Variants in STARD4 observed in about 807,000 individuals in gnomAD.
The protein encoded by STARD4 is StAR related lipid transfer domain containing 4.
STARD4 carries 33 observed loss-of-function variants against 24.9 expected under a neutral mutation model. That is an observed-to-expected ratio of 1.32 (90% CI 1.00 to 1.77). The LOEUF is 1.77. STARD4 is among the 40% of genes most tolerant of loss of function. STARD4 has a pLI of 0.00. For missense variants in STARD4, 238 were observed against 249.3 expected, an observed-to-expected ratio of 0.95 and a Z score of 0.31; for synonymous variants, 88 against 77.4, an observed-to-expected ratio of 1.14 and a Z score of -0.72.
chr5:111,511,742 AC>A (rs1319415264), intron 1 of STARD4, among the ~76,000 whole-genome samples: 2 of 152,144 alleles, frequency 1.3e-5, no homozygotes, highest in African/African-American at 2.4e-5. Context: ...CATATAAAAA[AC>A]CTGGGCCCAC....
In STARD4 at chr5:111,499,969, C is replaced by T. The variant is rs2112538386; in HGVS notation, c.535G>A (p.Gly179Arg). ...TCTACCGCAGACTGAGGAATCATCCCACGCAGATCTGTCTGAATATATCCT... is the reference window on the plus strand; with the variant it reads ...TCTACCGCAGACTGAGGAATCATCCTACGCAGATCTGTCTGAATATATCCT... ...LTGYIQTDLR[G>R]MIPQSAVDTA... The change falls in exon 6 of 6, where the codon GGG (glycine) becomes AGG (arginine). Residue 179 changes from glycine (G) to arginine (R), a missense_variant. Coordinates refer to ENST00000296632, the MANE Select transcript of STARD4 (RefSeq NM_139164.3). The T allele has an allele frequency of 1.9e-6, 3 of 1,614,154 alleles. No homozygotes were observed. Among genetic ancestry groups the T allele is most frequent in the East Asian group, 2.2e-5 (1 of 44,876 alleles).
intron 3 of STARD4, among the ~76,000 whole-genome samples, chr5:111,505,459 A>G (rs1337307062): frequency 1.3e-5 from 2 of 152,152 alleles, no homozygotes; most frequent in Admixed American, 1.3e-4. Flanking sequence ...TGAACATTCT[A>G]CTCCAAGTAT....
At position 111,497,984 on chromosome 5, in the gene STARD4, C is replaced by T. The variant is rs1756190519; in HGVS notation, c.*1902G>A. On this transcript the variant is annotated 3_prime_UTR_variant, in exon 6 of 6. Coordinates refer to ENST00000296632, the MANE Select transcript of STARD4 (RefSeq NM_139164.3). ...TTGGAATGATGGAAACGTTCTAAAT[C>T]CAGATTGTGCTGATGGCTGCATAGT... The T allele has an allele frequency of 6.6e-6, 1 of 152,016 alleles. No individual in the cohort carries two copies. The highest frequency in any genetic ancestry group is 1.5e-5 in the Non-Finnish European group (1 of 67,940). 9.4% of individuals were successfully genotyped at this position (152,016 alleles called of 1,614,324 possible).
chr5:111,502,452 G>A (rs1756529913), intron 3 of STARD4, among the ~76,000 whole-genome samples: 1 of 149,140 alleles, frequency 6.7e-6, no homozygotes, highest in South Asian at 2.2e-4. Context: ...CTAGGTGACG[G>A]AGTGAGATTC....
chr5:111,507,474 A>G lies in STARD4; in HGVS notation c.-9-32T>C. The G allele has an allele frequency of 1.3e-6, 2 of 1,569,936 alleles. No homozygotes were observed. Among genetic ancestry groups the G allele is most frequent in the Non-Finnish European group, 1.7e-6 (2 of 1,146,508 alleles). On this transcript the variant is annotated intron_variant, in intron 1 of 5. Transcript: ENST00000296632. The surrounding 1 kb of genome is among the most constrained non-coding windows in gnomAD (Gnocchi z 4.4). ...TGGAGACCAAGATTAGCATCAGCAA[A>G]TACCACAGTTTGAGGCAATAGGCCA... is the stretch of plus-strand genomic sequence containing the variant.
intron 4 of STARD4, 47 bp downstream of exon 4, chr5:111,501,915 C>A: frequency 6.2e-7 from 1 of 1,609,046 alleles, no homozygotes; most frequent in East Asian, 2.2e-5. Flanking sequence ...TCATGCCCTC[C>A]CTCATGCACA....
In STARD4 at chr5:111,497,513, A is replaced by G. The variant is rs1230498537; in HGVS notation, c.*2373T>C. 1 of 152,126 alleles carries G rather than the reference A, an allele frequency of 6.6e-6. No individual in the cohort carries two copies. The highest frequency in any genetic ancestry group is 1.5e-5 in the Non-Finnish European group (1 of 67,950). The allele number at this position is 152,126 out of a possible 1,614,324, so 9.4% of individuals were successfully genotyped here. On this transcript the variant is annotated 3_prime_UTR_variant, in exon 6 of 6. Transcript: ENST00000296632. ...TAAAATGCATACCAGATTTCAAAAAATTAGTACAAGAAATAGTACAAACTA... is the reference window on the plus strand; with the variant it reads ...TAAAATGCATACCAGATTTCAAAAAGTTAGTACAAGAAATAGTACAAACTA...
At chr5:111,503,781 T>TAAA (rs1480292258) in intron 3 of STARD4, among the ~76,000 whole-genome samples, 1 of 152,012 alleles carries the variant, frequency 6.6e-6, no homozygotes, top group Non-Finnish European at 1.5e-5. Context: ...CAATTAAAAT[T>TAAA]AAAAACATGC....
chr5:111,506,464 T>A lies in STARD4; in HGVS notation c.106-85A>T, dbSNP rs1233605913. 7.3e-6 allele frequency: 4 copies of A among 550,908 alleles called. No homozygotes were observed. The Admixed American group carries it at 1.6e-4, about 23-fold the overall frequency. 34.1% of individuals were successfully genotyped at this position (550,908 alleles called of 1,614,324 possible). ...CTGATAATTTTATAAGTCTATAGAA[T>A]TTGTCTTTGCATTAAAATAAAACCA... On this transcript the variant is annotated intron_variant, in intron 2 of 5. Coordinates refer to ENST00000296632, the MANE Select transcript of STARD4 (RefSeq NM_139164.3).
intron 1 of STARD4, 154 bp downstream of exon 1, chr5:111,512,231 C>T (rs1757365609): frequency 6.6e-6 from 1 of 152,600 alleles, no homozygotes; most frequent in African/African-American, 2.4e-5. Context: ...CGCCCGGACG[C>T]CGGGGCCCGC....
chr5:111,506,329 C>T lies in STARD4; in HGVS notation c.155+1G>A. The T allele has an allele frequency of 1.4e-6, 2 of 1,472,972 alleles. No individual in the cohort carries two copies. Among genetic ancestry groups the T allele is most frequent in the Non-Finnish European group, 1.9e-6 (2 of 1,074,032 alleles). The allele number at this position is 1,472,972 out of a possible 1,614,324, so 91.2% of individuals were successfully genotyped here. A position where few individuals can be genotyped will look rare whatever the true frequency, so the allele number is the denominator to read the frequency against. On this transcript the variant is annotated splice_donor_variant, in intron 3 of 5. Transcript: ENST00000296632. LOFTEE classifies it high-confidence loss of function. ...GTGTAAGTCTATAAAAAGTTACTTA[C>T]AGATATCCATTAAATTCTTCTGAGG...
intron 3 of STARD4, among the ~76,000 whole-genome samples, chr5:111,503,181 T>C (rs1561537272): frequency 6.6e-6 from 1 of 152,148 alleles, no homozygotes; most frequent in Non-Finnish European, 1.5e-5. Flanking sequence ...TTGACATATT[T>C]CAAAGGCAGC....
rs1288314668 is a variant in STARD4, at chr5:111,499,578, G to A, written c.*308C>T. On this transcript the variant is annotated 3_prime_UTR_variant, in exon 6 of 6. Coordinates refer to ENST00000296632, the MANE Select transcript of STARD4 (RefSeq NM_139164.3). ...GTGCACCTGTATTCCCAGCTATTCA[G>A]GAGGCTGAGGTAGAATAACCCCTTG... is the stretch of plus-strand genomic sequence containing the variant. 1 of 282,762 alleles carries A rather than the reference G, an allele frequency of 3.5e-6. No individual in the cohort carries two copies. The highest frequency in any genetic ancestry group is 2.2e-5 in the African/African-American group (1 of 45,186). The allele number at this position is 282,762 out of a possible 1,614,324, so 17.5% of individuals were successfully genotyped here.
Position 111,501,918 on chromosome 5 carries a change from C to T in STARD4, c.282+44G>A, listed in dbSNP as rs370967522. On this transcript the variant is annotated intron_variant, in intron 4 of 5. Transcript: ENST00000296632. ...GCTCTGGCTCACTCATGCCCTCCCT[C>T]ATGCACATACACACAGTCTAAAGTA... 8 of 1,610,346 alleles carry T rather than the reference C, an allele frequency of 5.0e-6. No individual in the cohort carries two copies. In the African/African-American group the frequency reaches 1.1e-4, roughly 21 times the overall value.
At position 111,497,761 on chromosome 5, in the gene STARD4, C is replaced by T. The variant is rs1446842669; in HGVS notation, c.*2125G>A. 2.6e-5 allele frequency: 4 copies of T among 152,054 alleles called. No homozygotes were observed. Among genetic ancestry groups the T allele is most frequent in the Non-Finnish European group, 4.4e-5 (3 of 67,940 alleles). The allele number at this position is 152,054 out of a possible 1,614,324, so 9.4% of individuals were successfully genotyped here. A position where few individuals can be genotyped will look rare whatever the true frequency, so the allele number is the denominator to read the frequency against. On this transcript the variant is annotated 3_prime_UTR_variant, in exon 6 of 6. Transcript: ENST00000296632. Reference sequence around the variant, plus strand: ...TTATGTTAATATCCATCCCAACCCACATCATTAAGCTTTTTTATCATTATA... The same window carrying T: ...TTATGTTAATATCCATCCCAACCCATATCATTAAGCTTTTTTATCATTATA...
Position 111,499,749 on chromosome 5 carries a change from A to C in STARD4, c.*137T>G, listed in dbSNP as rs1289917465. 1 of 760,192 alleles carries C rather than the reference A, an allele frequency of 1.3e-6. No individual in the cohort carries two copies. Among genetic ancestry groups the C allele is most frequent in the East Asian group, 2.7e-5 (1 of 37,050 alleles). The allele number at this position is 760,192 out of a possible 1,614,324, so 47.1% of individuals were successfully genotyped here. A position where few individuals can be genotyped will look rare whatever the true frequency, so the allele number is the denominator to read the frequency against. ...AGCTATTTACTTTAGGAATAAAACC[A>C]AACATTGTACTAGTGAACCAAAAAC... On this transcript the variant is annotated 3_prime_UTR_variant, in exon 6 of 6. Transcript: ENST00000296632.
intron 5 of STARD4, chr5:111,500,535 A>G: frequency 1.9e-6 from 2 of 1,055,918 alleles, no homozygotes; most frequent in Non-Finnish European, 2.3e-6. Flanking sequence ...ACTATATACA[A>G]AATAATATTA....
At chr5:111,509,292 C>A (rs934380860) in intron 1 of STARD4, among the ~76,000 whole-genome samples, 2 of 152,088 alleles carry the variant, frequency 1.3e-5, no homozygotes, top group Non-Finnish European at 2.9e-5. Flanking sequence ...TTATGCAAAA[C>A]TTTTTGATAG....
chr5:111,508,200 G>A (rs1418148530), intron 1 of STARD4, among the ~76,000 whole-genome samples: 1 of 151,862 alleles, frequency 6.6e-6, no homozygotes, highest in Non-Finnish European at 1.5e-5. Flanking sequence ...TTTCTTCATA[G>A]TGCTTATCAT....
Sources: gnomAD v4.1 joint callset for allele counts (sites outside exome capture counted in the v4.1 genomes callset) on GRCh38, gnomAD v4.1.1 for gene constraint, Gnocchi (gnomAD v3.1) non-coding constraint, MANE v1.5 for transcripts, NCBI Gene and HGNC (gene_info 2026-07-23, HGNC 2026-07-21) for gene names.